Variants in RBFOX1 observed in about 807,000 individuals in gnomAD.
RBFOX1 encodes RNA binding protein fox-1 homolog 1.
In RBFOX1, 8 loss-of-function variants were observed where a neutral mutation model predicts 57.7. That is an observed-to-expected ratio of 0.14 (90% confidence interval 0.08 to 0.25). The LOEUF is 0.25. Ranked by LOEUF, RBFOX1 falls within the 10% of genes least tolerant of loss-of-function variation. The pLI is 1.00. For missense variants in RBFOX1, 611 were observed against 548.5 expected (o/e 1.11, Z -1.14); for synonymous variants, 326 against 222.4 (o/e 1.47, Z -4.15).
intron 3 of RBFOX1, among the ~76,000 whole-genome samples, chr16:7,039,165 C>G (rs79070703): frequency 1.3e-5 from 2 of 152,096 alleles, no homozygotes; most frequent in Admixed American, 6.6e-5. Context: ...AAAGTATTCC[C>G]GAGGACTCTT....
chr16:6,393,066 C>G (rs2092677279), intron 2 of RBFOX1, among the ~76,000 whole-genome samples: 1 of 152,216 alleles, frequency 6.6e-6, no homozygotes, highest in Admixed American at 6.5e-5. Context: ...ATGGGGCACT[C>G]TGCCATACTT....
chr16:6,954,595 C>T (rs763192136), intron 3 of RBFOX1, among the ~76,000 whole-genome samples: 2 of 152,094 alleles, frequency 1.3e-5, no homozygotes, highest in South Asian at 2.1e-4. Flanking sequence ...CCTATATCCT[C>T]CTCATTATGT....
At chr16:6,871,949 G>A (rs1025736395) in intron 3 of RBFOX1, among the ~76,000 whole-genome samples, 27 of 149,510 alleles carry the variant, frequency 1.8e-4, no homozygotes, top group African/African-American at 6.2e-4. Flanking sequence ...GTGTGTGTGT[G>A]TGTGTGTGTG....
intron 3 of RBFOX1, among the ~76,000 whole-genome samples, chr16:6,999,169 T>TTTTTA (rs71408491): frequency 0.17 from 22,244 of 127,838 alleles, 3,298 homozygotes; most frequent in East Asian, 0.7. Context: ...GAGCCTGGCC[T>TTTTTA]TTTTATTTTA....
At chr16:6,581,494 C>G (rs1213972446) in intron 2 of RBFOX1, among the ~76,000 whole-genome samples, 1 of 152,200 alleles carries the variant, frequency 6.6e-6, no homozygotes, top group Non-Finnish European at 1.5e-5. Flanking sequence ...ATGCAGACCT[C>G]TACCCTGGGC....
At chr16:5,398,102 C>T (rs936453047) in intron 1 of RBFOX1, among the ~76,000 whole-genome samples, 8 of 152,162 alleles carry the variant, frequency 5.3e-5, no homozygotes, top group East Asian at 3.9e-4. Flanking sequence ...TCAACCTAGA[C>T]GAAGACCAAG....
chr16:7,668,899 A>T (rs897772938), intron 13 of RBFOX1, among the ~76,000 whole-genome samples: 1 of 152,120 alleles, frequency 6.6e-6, no homozygotes, highest in Non-Finnish European at 1.5e-5. Context: ...TCATACTTGG[A>T]AGTGAAGCTA....
intron 4 of RBFOX1, among the ~76,000 whole-genome samples, chr16:7,262,976 G>C (rs2094978320): frequency 6.6e-6 from 1 of 152,298 alleles, no homozygotes; most frequent in East Asian, 1.9e-4. Flanking sequence ...ACTTACTCTA[G>C]GAAGTGTTAG....
intron 3 of RBFOX1, among the ~76,000 whole-genome samples, chr16:6,733,868 G>T (rs780830699): frequency 1.3e-5 from 2 of 152,192 alleles, no homozygotes; most frequent in Admixed American, 1.3e-4. Context: ...CACCCAGAAC[G>T]CAGGGCCAGT....
intron 3 of RBFOX1, among the ~76,000 whole-genome samples, chr16:5,793,889 C>A (rs966356108): frequency 6.6e-6 from 1 of 152,228 alleles, no homozygotes; most frequent in Admixed American, 6.5e-5. Flanking sequence ...TCTCCCTGAT[C>A]CTCACATTAT....
At chr16:7,061,660 A>T (rs575547222) in intron 4 of RBFOX1, among the ~76,000 whole-genome samples, 3 of 152,288 alleles carry the variant, frequency 2.0e-5, no homozygotes, top group Non-Finnish European at 4.4e-5. Context: ...CCCAGTCCTC[A>T]TGCCCCTTTC....
intron 4 of RBFOX1, among the ~76,000 whole-genome samples, chr16:5,872,007 C>G (rs1208642483): frequency 1.3e-5 from 2 of 152,076 alleles, no homozygotes; most frequent in Non-Finnish European, 2.9e-5. Context: ...TTTTTCCTTC[C>G]AAAAGGAAAC....
intron 3 of RBFOX1, among the ~76,000 whole-genome samples, chr16:6,882,224 AG>A (rs1257055416): frequency 6.6e-6 from 1 of 152,116 alleles, no homozygotes; most frequent in Non-Finnish European, 1.5e-5. Context: ...ATTTATTTGC[AG>A]TCTCCACCTT....
intron 3 of RBFOX1, among the ~76,000 whole-genome samples, chr16:6,962,375 G>C (rs779223923): frequency 4.6e-5 from 7 of 152,154 alleles, no homozygotes; most frequent in Non-Finnish European, 1.0e-4. Context: ...GCAAGGGTTA[G>C]GACTTCGACT....
At chr16:5,805,520 C>T (rs1409501759) in intron 3 of RBFOX1, among the ~76,000 whole-genome samples, 1 of 152,104 alleles carries the variant, frequency 6.6e-6, no homozygotes, top group Admixed American at 6.6e-5. Context: ...GTGGCCCTGC[C>T]AGAAACAGAA....
At chr16:6,269,116 G>A (rs1046289511) in intron 1 of RBFOX1, among the ~76,000 whole-genome samples, 1 of 152,084 alleles carries the variant, frequency 6.6e-6, no homozygotes, top group Admixed American at 6.6e-5. Context: ...CAGCAAGAGG[G>A]ACAACAACAA....
Position 6,780,089 on chromosome 16 carries a change from ATTTATATATT to A in RBFOX1, c.-16+125451_-16+125460del, listed in dbSNP as rs1462920714. The stretch of plus-strand genomic sequence containing the variant: ...TATATATATTTACATATTTATATAT[ATTTATATATT>A]TTTATATATTTATATATATTTATAT... On this transcript the variant is annotated intron_variant, in intron 3 of 15. Coordinates refer to ENST00000550418, the MANE Select transcript of RBFOX1 (RefSeq NM_018723.4). Among the ~76,000 whole-genome samples the A allele has an allele frequency of 4.3e-4, 20 of 46,058 alleles. 6 individuals are homozygous for A. The highest frequency in any genetic ancestry group is 6.2e-4 in the Non-Finnish European group (20 of 32,222). The allele number at this position is 46,058 out of a possible 152,430, so 30.2% of individuals were successfully genotyped here. A position where few individuals can be genotyped will look rare whatever the true frequency, so the allele number is the denominator to read the frequency against.
At position 5,732,589 on chromosome 16, in the gene RBFOX1, G is replaced by A. The variant is rs149425620; in HGVS notation, c.318+133628G>A. On this transcript the variant is annotated intron_variant, in intron 3 of 19. Coordinates refer to the RBFOX1 transcript ENST00000641259. ...GAATTCTAGCTGTCTATGGCTTTAG[G>A]CCTTTCTGGGTCTCCGTTTCTGCAC... 1.4e-3 allele frequency among the ~76,000 whole-genome samples: 215 copies of A among 152,272 alleles called. 1 individual carries two copies. The highest frequency in any genetic ancestry group is 4.9e-3 in the African/African-American group (204 of 41,550).
chr16:6,324,789 G>C (rs2082189721), intron 2 of RBFOX1, among the ~76,000 whole-genome samples: 1 of 152,116 alleles, frequency 6.6e-6, no homozygotes, highest in Non-Finnish European at 1.5e-5. Context: ...AAGCAAATGA[G>C]ATATAGAAAC....
Sources: gnomAD v4.1 joint callset for allele counts (sites outside exome capture counted in the v4.1 genomes callset) on GRCh38, gnomAD v4.1.1 for gene constraint, MANE v1.5 for transcripts, NCBI Gene and HGNC (gene_info 2026-07-23, HGNC 2026-07-21) for gene names.